The following PERM1 variants were observed in gnomAD, a reference collection of about 807,000 sequenced individuals.
PERM1 encodes PPARGC1 and ESRR induced regulator, muscle 1.
In PERM1, 45 loss-of-function variants were observed where a neutral mutation model predicts 44.1. The observed-to-expected ratio is 1.02, with a 90% CI of 0.80 to 1.31. The LOEUF is 1.31. Among genes scored for constraint, PERM1 ranks in the 50% most tolerant of loss-of-function variants. PERM1 has a pLI of 0.00. For synonymous variants in PERM1, 565 were observed against 477.1 expected (o/e 1.18, Z -2.40); for missense variants, 1,189 against 1,106.9 (o/e 1.07, Z -1.05).
At chr1:979,441 G>C in exon 1 of PERM1, 1 of 1,541,974 alleles carries the variant, frequency 6.5e-7, no homozygotes, top group East Asian at 2.5e-5. Context: ...CCCAGTTGCT[G>C]TCTGGGGGGC....
exon 3 of PERM1, chr1:976,257 T>C (rs1643600874): frequency 1.3e-6 from 2 of 1,524,292 alleles, no homozygotes; most frequent in African/African-American, 1.4e-5. Context: ...GGTGCCGACG[T>C]TGGCCAGCAA....
At chr1:976,468 C>T (rs1312529549) in intron 2 of PERM1, 31 bp downstream of exon 3, 2 of 1,549,352 alleles carry the variant, frequency 1.3e-6, no homozygotes, top group Non-Finnish European at 1.7e-6. Context: ...GGCTTCTAGG[C>T]GCAGCTCCCT....
chr1:981,451 T>C (rs962668862), upstream of PERM1, among the ~76,000 whole-genome samples: 1 of 152,204 alleles, frequency 6.6e-6, no homozygotes, highest in African/African-American at 2.4e-5. Context: ...CAGAGCTGTC[T>C]TTGCACGGCA....
At position 979,538 on chromosome 1, in the gene PERM1, CT is replaced by C; in HGVS notation, c.1491del (p.Val498SerfsTer70). On this transcript the variant is annotated frameshift_variant, in exon 1 of 3. Coordinates refer to ENST00000433179, the Ensembl canonical transcript of PERM1. LOFTEE classifies it high-confidence loss of function. Reference sequence around the variant, plus strand: ...AAGCGCACTTTCTTCTTCCTGGGGACTTGGGTGAGACCCAGTGCGGGTGCCC... The same window carrying C: ...AAGCGCACTTTCTTCTTCCTGGGGACTGGGTGAGACCCAGTGCGGGTGCCC... 1 of 1,550,004 alleles carries C rather than the reference CT, an allele frequency of 6.5e-7. No individual in the cohort carries two copies. Among genetic ancestry groups the C allele is most frequent in the Non-Finnish European group, 8.7e-7 (1 of 1,146,758 alleles).
At chr1:976,727 A>C in intron 1 of PERM1, 103 bp from the exon 3 acceptor site, 1 of 1,203,644 alleles carries the variant, frequency 8.3e-7, no homozygotes, top group Non-Finnish European at 1.1e-6. Flanking sequence ...AACCCCGGGA[A>C]CCGCCTCCCA....
exon 1 of PERM1, chr1:980,679 G>A (rs927606820): frequency 8.4e-6 from 12 of 1,426,732 alleles, no homozygotes; most frequent in African/African-American, 5.8e-5. Flanking sequence ...GGCTGGCGCC[G>A]GGGCCGAGGG....
chr1:979,300 G>A (rs866428768), exon 1 of PERM1: 2 of 1,543,796 alleles, frequency 1.3e-6, no homozygotes, highest in East Asian at 2.5e-5. Context: ...GAGGGTCACG[G>A]CAAAGCTGCT....
At chr1:980,563 C>T in exon 1 of PERM1, 1 of 1,458,370 alleles carries the variant, frequency 6.9e-7, no homozygotes, top group Non-Finnish European at 9.0e-7. Flanking sequence ...GGACTTGGGA[C>T]TCCCAGGGGG....
At chr1:979,648 G>A (rs1448024964) in exon 1 of PERM1, 1 of 1,550,290 alleles carries the variant, frequency 6.5e-7, no homozygotes, top group African/African-American at 1.4e-5. Flanking sequence ...TCTGCGGGTG[G>A]GAGGCCAGGC....
At chr1:979,988 G>A in exon 1 of PERM1, 1 of 1,549,342 alleles carries the variant, frequency 6.5e-7, no homozygotes, top group Non-Finnish European at 8.7e-7. Context: ...TCAGAGGCAG[G>A]TGTAGACACA....
chr1:976,233 C>T lies in PERM1; in HGVS notation c.2312G>A (p.Arg771His), dbSNP rs754212868. Residue 771 changes from arginine (R) to histidine (H), a missense_variant, in exon 3 of 3, where the codon CGC becomes CAC. Around this residue, in one of 3 missense-constraint regions of PERM1, gnomAD observed 900 missense variants for 760.4 expected, o/e 1.18. Transcript: ENST00000433179. ...TTGCCCCACCTGCCGGCGGAAGTAG[C>T]GGATGGCAGAGATGGTGCCGACGTT... is the stretch of plus-strand genomic sequence containing the variant. The T allele has an allele frequency of 2.0e-6, 3 of 1,537,364 alleles. No homozygotes were observed. The South Asian group carries it at 3.6e-5, about 19-fold the overall frequency.
rs753993277 is a variant in PERM1 at position 976,594 on chromosome 1, G to A, written c.2180C>T (p.Ala727Val). The change falls in exon 2 of 3, where the codon GCC becomes GTC. Residue 727 changes from alanine to valine, a missense_variant. Around this residue, in one of 3 missense-constraint regions of PERM1, gnomAD observed 900 missense variants for 760.4 expected, o/e 1.18. Transcript: ENST00000433179. ...CAGGCACATGTCATTCTGGCTGAAG[G>A]CAAATGATGGGACAGGCCCCCGGAG... is the stretch of plus-strand genomic sequence containing the variant. The A allele has an allele frequency of 3.7e-5, 58 of 1,549,112 alleles. 1 individual carries two copies. The highest frequency in any genetic ancestry group is 2.7e-4 in the African/African-American group (20 of 72,966).
chr1:980,497 C>T lies in PERM1; in HGVS notation c.533G>A (p.Arg178Gln), dbSNP rs376317615. 8.3e-5 allele frequency: 124 copies of T among 1,500,238 alleles called. 1 individual carries two copies. The highest frequency in any genetic ancestry group is 6.3e-4 in the South Asian group (47 of 74,534). 92.9% of individuals were successfully genotyped at this position (1,500,238 alleles called of 1,614,324 possible). Reference sequence around the variant, plus strand: ...TCGCCTCTTCTTTCGGCTGGGGCTCCGTGGTGGGGCTCCAGGGCTATCGGG... The same window carrying T: ...TCGCCTCTTCTTTCGGCTGGGGCTCTGTGGTGGGGCTCCAGGGCTATCGGG... Residue 178 changes from arginine (R) to glutamine (Q), a missense_variant, in exon 1 of 3, where the codon CGG becomes CAG. Transcript: ENST00000433179.
chr1:976,446 G>GC, intron 2 of PERM1, 53 bp downstream of exon 3: 1 of 1,548,666 alleles, frequency 6.5e-7, no homozygotes, highest in African/African-American at 1.4e-5. Context: ...TCCTGCCAGC[G>GC]CCCCTCGGTC....
chr1:980,035 G>A (rs1346491842), exon 1 of PERM1: 1 of 1,548,900 alleles, frequency 6.5e-7, no homozygotes, highest in Non-Finnish European at 8.7e-7. Flanking sequence ...AGAGGCAGGT[G>A]TAGACACAGC....
Position 976,214 on chromosome 1 carries a change from C to CG in PERM1, c.2330_2331insC (p.Gln779AlafsTer44). 6.5e-7 allele frequency: 1 copy of CG among 1,541,542 alleles called. No homozygotes were observed. Among genetic ancestry groups the CG allele is most frequent in the Non-Finnish European group, 8.7e-7 (1 of 1,143,636 alleles). On this transcript the variant is annotated frameshift_variant, in exon 3 of 3. Coordinates refer to ENST00000433179, the Ensembl canonical transcript of PERM1. LOFTEE classifies it high-confidence loss of function. ...GGCTGTGGCTGCGGCGCCCTTGCCC[C>CG]ACCTGCCGGCGGAAGTAGCGGATGG...
exon 3 of PERM1, chr1:976,196 G>A: frequency 1.3e-6 from 2 of 1,544,836 alleles, no homozygotes. Context: ...TGGGGCTGTG[G>A]CTGCGGCGCC....
Position 979,384 on chromosome 1 carries a change from C to G in PERM1, c.1646G>C (p.Arg549Pro), listed in dbSNP as rs926054175. ...CTTGAGGATCCGAGGCTGGTGGGGC[C>G]GGGGCCCGACAGCCACAGCCTCCCA... is the stretch of plus-strand genomic sequence containing the variant. Residue 549 changes from arginine to proline, a missense_variant, in exon 1 of 3, where the codon CGG becomes CCG. Physicochemically the swap from Arg to Pro is moderately radical, Grantham distance 103. Around this residue, in one of 3 missense-constraint regions of PERM1, gnomAD observed 900 missense variants for 760.4 expected, o/e 1.18. Coordinates refer to ENST00000433179, the Ensembl canonical transcript of PERM1. The G allele has an allele frequency of 2.7e-6, 4 of 1,505,930 alleles. No homozygotes were observed. In the African/African-American group the frequency reaches 4.2e-5, roughly 16 times the overall value. The allele number at this position is 1,505,930 out of a possible 1,614,324, so 93.3% of individuals were successfully genotyped here.
In PERM1 at chr1:979,385, G is replaced by A. The variant is rs371075068; in HGVS notation, c.1645C>T (p.Arg549Trp). 1.7e-5 allele frequency: 26 copies of A among 1,506,370 alleles called. No individual in the cohort carries two copies. In the East Asian group the frequency reaches 2.5e-4, roughly 14 times the overall value. 93.3% of individuals were successfully genotyped at this position (1,506,370 alleles called of 1,614,324 possible). Residue 549 changes from arginine (R) to tryptophan (W), a missense_variant, in exon 1 of 3, where the codon CGG (arginine) becomes TGG (tryptophan). Around this residue, in one of 3 missense-constraint regions of PERM1, gnomAD observed 900 missense variants for 760.4 expected, o/e 1.18. Coordinates refer to ENST00000433179, the Ensembl canonical transcript of PERM1. ...TTGAGGATCCGAGGCTGGTGGGGCC[G>A]GGGCCCGACAGCCACAGCCTCCCAG...
Sources: allele counts gnomAD v4.1 joint callset (sites outside exome capture counted in the v4.1 genomes callset), GRCh38; gene constraint gnomAD v4.1.1; regional missense constraint gnomAD v4.1.1; transcripts MANE v1.5; gene names NCBI Gene and HGNC (gene_info 2026-07-23, HGNC 2026-07-21).